QSOX1: variants seen among roughly 807,000 people sequenced by gnomAD.
The protein encoded by QSOX1 is sulfhydryl oxidase 1.
Under a neutral mutation model 76.1 loss-of-function variants are expected in QSOX1, and 40 were observed. The observed-to-expected ratio is 0.53, with a 90% CI of 0.41 to 0.68. The LOEUF is 0.68. Among genes scored for constraint, QSOX1 ranks in the 30% least tolerant of loss-of-function variants. The probability of loss-of-function intolerance (pLI) is 0.00; values close to 1 mark genes in which losing one functional copy is unlikely to be tolerated. For missense variants in QSOX1, 931 were observed against 974.3 expected (o/e 0.96, Z 0.59); for synonymous variants, 392 against 413.1 (o/e 0.95, Z 0.62).
chr1:180,161,723 T>G (rs1219833298), intron 1 of QSOX1, among the ~76,000 whole-genome samples: 1 of 152,224 alleles, frequency 6.6e-6, no homozygotes, highest in Non-Finnish European at 1.5e-5. Context: ...CAGCAACGTT[T>G]CAAATTTAAA....
intron 5 of QSOX1, among the ~76,000 whole-genome samples, chr1:180,180,080 G>T (rs1050975660): frequency 8.5e-5 from 13 of 152,254 alleles, no homozygotes; most frequent in Non-Finnish European, 1.3e-4. Context: ...AAGGGCCCAG[G>T]TTCTGGAGCC....
chr1:180,161,748 A>G (rs1229728198), intron 1 of QSOX1, among the ~76,000 whole-genome samples: 1 of 152,248 alleles, frequency 6.6e-6, no homozygotes, highest in South Asian at 2.1e-4. Context: ...AGAAAAACCC[A>G]TAATTCTTCA....
In QSOX1 at chr1:180,182,291, C is replaced by A. The variant is rs200481798; in HGVS notation, c.724C>A (p.Arg242=). ...CTTCCCCTCTTGCTACCTGCTGTTC[C>A]GGAATGGCTCTGTCTCCCGAGTCCC... The part of the protein sequence containing the change: ...TDFPSCYLLF[R]NGSVSRVPVL... Residue 242 remains arginine, a synonymous_variant, in exon 6 of 12, where the codon CGG becomes AGG. Transcript: ENST00000367602. 7 of 1,614,106 alleles carry A rather than the reference C, an allele frequency of 4.3e-6. No individual in the cohort carries two copies. Among genetic ancestry groups the A allele is most frequent in the Non-Finnish European group, 5.1e-6 (6 of 1,180,050 alleles).
rs1315970888 is a variant in QSOX1 at position 180,196,193 on chromosome 1, G to A, written c.1469-69G>A. ...GACAAGGAAGCTGGCGTTCTGAGTG[G>A]AGGAGTGTGGTCTGGGTTTTTGGGT... On this transcript the variant is annotated intron_variant, in intron 11 of 11. Transcript: ENST00000367602. This position sits in a 1 kb window ranked among gnomAD's most constrained non-coding sequence, Gnocchi z 4.1. The A allele has an allele frequency of 6.5e-7, 1 of 1,530,622 alleles. No homozygotes were observed. The highest frequency in any genetic ancestry group is 8.8e-7 in the Non-Finnish European group (1 of 1,132,628). 94.8% of individuals were successfully genotyped at this position (1,530,622 alleles called of 1,614,324 possible).
rs1431308503 is a variant in QSOX1 at position 180,198,553 on chromosome 1, T to C, written c.*1516T>C. 1 of 377,256 alleles carries C rather than the reference T, an allele frequency of 2.7e-6. No individual in the cohort carries two copies. The highest frequency in any genetic ancestry group is 5.4e-6 in the Non-Finnish European group (1 of 184,128). 23.4% of individuals were successfully genotyped at this position (377,256 alleles called of 1,614,324 possible). ...CTCTGCTCAGATGGCCTGGGTGCTA[T>C]GTGGAGCAGGTGGGATGCCAAGGCC... On this transcript the variant is annotated 3_prime_UTR_variant, in exon 12 of 12. Transcript: ENST00000367602.
intron 10 of QSOX1, among the ~76,000 whole-genome samples, chr1:180,191,142 C>T (rs1313558316): frequency 6.6e-6 from 1 of 152,164 alleles, no homozygotes; most frequent in Admixed American, 6.5e-5. Context: ...TGAAAGGATG[C>T]GCATCCAATT....
chr1:180,164,525 C>T (rs558486073), intron 1 of QSOX1, among the ~76,000 whole-genome samples: 26 of 152,298 alleles, frequency 1.7e-4, no homozygotes, highest in African/African-American at 5.5e-4. Context: ...CACAGGCCTT[C>T]CTCCCAGCTC....
chr1:180,171,388 G>A (rs1298122411), intron 2 of QSOX1, among the ~76,000 whole-genome samples: 3 of 151,556 alleles, frequency 2.0e-5, no homozygotes, highest in Admixed American at 2.0e-4. Context: ...GCTGGGTGAG[G>A]TAAACACAAG....
rs567171588 is a variant in QSOX1, at chr1:180,178,572, A to G, written c.516-222A>G. On this transcript the variant is annotated intron_variant, in intron 4 of 11. Coordinates refer to ENST00000367602, the MANE Select transcript of QSOX1 (RefSeq NM_002826.5). ...GAGACAGGAAGCAAAAACAAAACCA[A>G]GCACCCAAGGTAGGTCAGATGAAGA... 2.0e-5 allele frequency among the ~76,000 whole-genome samples: 3 copies of G among 152,360 alleles called. No homozygotes were observed. The South Asian group carries it at 6.2e-4, about 32-fold the overall frequency.
rs113812623 is a variant in QSOX1, at chr1:180,167,068, C to A, written c.366+477C>A. ...CCAAGGCATGAGGGCTTTGTCACCC[C>A]CGCTCTGGTGGAAAGTGGCACGAGA... On this transcript the variant is annotated intron_variant, in intron 2 of 11. Transcript: ENST00000367602. Among the ~76,000 whole-genome samples, 442 of 152,368 alleles carry A rather than the reference C, an allele frequency of 2.9e-3. 1 individual carries two copies. Among genetic ancestry groups the A allele is most frequent in the African/African-American group, 9.8e-3 (409 of 41,594 alleles).
chr1:180,178,748 A>G (rs1310305344), intron 4 of QSOX1, 46 bp from the exon 5 acceptor site: 4 of 1,573,206 alleles, frequency 2.5e-6, no homozygotes, highest in Non-Finnish European at 3.5e-6. Flanking sequence ...GTTTTGTCTT[A>G]TTTCTGCTGG....
Position 180,197,477 on chromosome 1 carries a change from GC to G in QSOX1, c.*443del. 7.5e-7 allele frequency: 1 copy of G among 1,326,184 alleles called. No homozygotes were observed. The highest frequency in any genetic ancestry group is 1.1e-6 in the Non-Finnish European group (1 of 938,864). The allele number at this position is 1,326,184 out of a possible 1,614,324, so 82.2% of individuals were successfully genotyped here. On this transcript the variant is annotated 3_prime_UTR_variant, in exon 12 of 12. Coordinates refer to ENST00000367602, the MANE Select transcript of QSOX1 (RefSeq NM_002826.5). ...ACTCCTCACTAGCTGCTGGGGCTCC[GC>G]CCACCCTGCTCCCTTCCGGACAATG...
intron 11 of QSOX1, among the ~76,000 whole-genome samples, chr1:180,194,922 G>C (rs1663421451): frequency 6.6e-6 from 1 of 152,154 alleles, no homozygotes; most frequent in African/African-American, 2.4e-5. Flanking sequence ...AGCTGGGTCG[G>C]GAGGGAGCCA....
Position 180,187,649 on chromosome 1 carries a change from A to C in QSOX1, c.1017+1467A>C, listed in dbSNP as rs114470610. Among the ~76,000 whole-genome samples the C allele has an allele frequency of 7.7e-3, 1,167 of 152,354 alleles. 9 individuals carry two copies. Among genetic ancestry groups the C allele is most frequent in the Non-Finnish European group, 9.4e-3 (642 of 68,036 alleles). ...AGAATGAGATACAGAAAAGTCCCTG[A>C]GCTGGGCAGAGGCATCACCCCCTCT... On this transcript the variant is annotated intron_variant, in intron 8 of 11. Coordinates refer to ENST00000367602, the MANE Select transcript of QSOX1 (RefSeq NM_002826.5).
At position 180,181,743 on chromosome 1, in the gene QSOX1, C is replaced by G. The variant is rs115025101; in HGVS notation, c.607-431C>G. 8.8e-3 allele frequency among the ~76,000 whole-genome samples: 1,338 copies of G among 152,046 alleles called. 15 individuals are homozygous for G. Among genetic ancestry groups the G allele is most frequent in the Middle Eastern group, 0.031 (9 of 294 alleles). On this transcript the variant is annotated intron_variant, in intron 5 of 11. Coordinates refer to ENST00000367602, the MANE Select transcript of QSOX1 (RefSeq NM_002826.5). ...CTTTAGAAAAATGTTATGAGAAGGCCCTGGGGAATCCTGGACATCAGAGAG... is the reference window on the plus strand; with the variant it reads ...CTTTAGAAAAATGTTATGAGAAGGCGCTGGGGAATCCTGGACATCAGAGAG...
chr1:180,171,689 G>T (rs1178336427), intron 2 of QSOX1, among the ~76,000 whole-genome samples: 3 of 152,218 alleles, frequency 2.0e-5, no homozygotes, highest in African/African-American at 7.2e-5. Context: ...AAGAGTGTCA[G>T]GACCTGACAT....
In QSOX1 at chr1:180,196,384, C is replaced by T. The variant is rs749072891; in HGVS notation, c.1591C>T (p.Leu531Phe). The change falls in exon 12 of 12, where the codon CTC becomes TTC. Residue 531 changes from leucine to phenylalanine, a missense_variant. Coordinates refer to ENST00000367602, the MANE Select transcript of QSOX1 (RefSeq NM_002826.5). The surrounding 1 kb of genome is among the most constrained non-coding windows in gnomAD (Gnocchi z 4.1). ...GGACGTGGAAGCCACCCTCAACTTC[C>T]TCAAGGCCCACTTCTCCCCAAGCAA... ...VWDVEATLNFLKAHFSPSNII... is the reference protein window; with the variant it reads ...VWDVEATLNFFKAHFSPSNII... The T allele has an allele frequency of 1.2e-6, 2 of 1,614,220 alleles. No individual in the cohort carries two copies. The highest frequency in any genetic ancestry group is 2.2e-5 in the South Asian group (2 of 91,088).
intron 2 of QSOX1, among the ~76,000 whole-genome samples, chr1:180,171,604 C>G (rs1194840461): frequency 6.6e-6 from 1 of 152,200 alleles, no homozygotes; most frequent in Non-Finnish European, 1.5e-5. Context: ...TCATTGATCC[C>G]TTTATCCACT....
At chr1:180,170,270 AAGG>A (rs1273219105) in intron 2 of QSOX1, among the ~76,000 whole-genome samples, 1 of 152,140 alleles carries the variant, frequency 6.6e-6, no homozygotes, top group Non-Finnish European at 1.5e-5. Flanking sequence ...TCTCTGGAAA[AAGG>A]AGGTGGGCCC....
Sources: allele counts gnomAD v4.1 joint callset (sites outside exome capture counted in the v4.1 genomes callset), GRCh38; gene constraint gnomAD v4.1.1; non-coding constraint Gnocchi (gnomAD v3.1); transcripts MANE v1.5; gene names NCBI Gene and HGNC (gene_info 2026-07-23, HGNC 2026-07-21).